Variants in COL12A1 observed in about 807,000 individuals in gnomAD.
The protein encoded by COL12A1 is collagen type XII alpha 1 chain, also known as collagen alpha-1(XII) chain.
COL12A1 carries 114 observed loss-of-function variants against 349.7 expected under a neutral mutation model. The ratio of observed to expected loss-of-function variants is 0.33; its 90% CI spans 0.28 to 0.38. COL12A1 has a LOEUF of 0.38. Ranked by LOEUF, COL12A1 falls within the 10% of genes least tolerant of loss-of-function variation. The pLI, the probability that COL12A1 is intolerant of heterozygous loss-of-function variation, is 1.00. For missense variants in COL12A1, 3,284 were observed against 3,756.9 expected (o/e 0.87, Z 3.29); for synonymous variants, 1,369 against 1,329.0 (o/e 1.03, Z -0.66).
Position 75,181,215 on chromosome 6 carries a change from T to TC in COL12A1, c.1892-5_1892-4insG, listed in dbSNP as rs1769266889. Reference sequence around the variant, plus strand: ...AGATCCTTTGGAGGGACGTAAGCTATTTAAAAAAAAAAAAAGACAGTTAAA... The same window carrying TC: ...AGATCCTTTGGAGGGACGTAAGCTATCTTAAAAAAAAAAAAAGACAGTTAAA... On this transcript the variant is annotated splice_region_variant and splice_polypyrimidine_tract_variant and intron_variant, in intron 10 of 65. Coordinates refer to ENST00000322507, the MANE Select transcript of COL12A1 (RefSeq NM_004370.6). 1 of 1,429,824 alleles carries TC rather than the reference T, an allele frequency of 7.0e-7. No individual in the cohort carries two copies. Among genetic ancestry groups the TC allele is most frequent in the Non-Finnish European group, 9.1e-7 (1 of 1,096,086 alleles). The allele number at this position is 1,429,824 out of a possible 1,614,324, so 88.6% of individuals were successfully genotyped here. A position where few individuals can be genotyped will look rare whatever the true frequency, so the allele number is the denominator to read the frequency against.
intron 65 of COL12A1, chr6:75,087,286 A>G: frequency 2.5e-6 from 1 of 399,716 alleles, no homozygotes; most frequent in Non-Finnish European, 4.4e-6. Context: ...GAAAAGAAAA[A>G]AAAAAAGTCA....
rs1180668237 is a variant in COL12A1, at chr6:75,192,290, G to T, written c.256C>A (p.Pro86Thr). ...ATTGTCACCACATACTCTGTTTCAG[G>T]TACAAGTTCTGACAATAAAGTTTCA... ...TTETLLSELVPETEYVVTITS... is the reference protein window; with the variant it reads ...TTETLLSELVTETEYVVTITS... The change falls in exon 4 of 66, where the codon CCT (proline) becomes ACT (threonine). Residue 86 changes from proline (P) to threonine (T), a missense_variant. Coordinates refer to ENST00000322507, the MANE Select transcript of COL12A1 (RefSeq NM_004370.6). 2 of 1,611,200 alleles carry T rather than the reference G, an allele frequency of 1.2e-6. No individual in the cohort carries two copies. The highest frequency in any genetic ancestry group is 2.2e-5 in the East Asian group (1 of 44,698).
intron 5 of COL12A1, 147 bp downstream of exon 5, chr6:75,191,554 C>A: frequency 2.3e-6 from 1 of 436,534 alleles, no homozygotes; most frequent in Non-Finnish European, 4.0e-6. Context: ...ATACATTATT[C>A]TTATATTGTC....
chr6:75,192,704 G>A (rs1582215294), intron 3 of COL12A1, among the ~76,000 whole-genome samples: 1 of 152,046 alleles, frequency 6.6e-6, no homozygotes, highest in East Asian at 1.9e-4. Flanking sequence ...ATAAAGCAGA[G>A]AAAATGAATT....
rs1562140303 is a variant in COL12A1 at position 75,113,758 on chromosome 6, C to T, written c.7698-14G>A. On this transcript the variant is annotated splice_polypyrimidine_tract_variant and intron_variant, in intron 49 of 65. Coordinates refer to ENST00000322507, the MANE Select transcript of COL12A1 (RefSeq NM_004370.6). ...GGGTGTAGGTCTCTGTTGGATAAAA[C>T]AAAAGAAAGAAAAAGGAGAGGAAAG... 5 of 1,500,920 alleles carry T rather than the reference C, an allele frequency of 3.3e-6. No individual in the cohort carries two copies. The highest frequency in any genetic ancestry group is 4.5e-6 in the Non-Finnish European group (5 of 1,121,450). 93.0% of individuals were successfully genotyped at this position (1,500,920 alleles called of 1,614,324 possible). A position where few individuals can be genotyped will look rare whatever the true frequency, so the allele number is the denominator to read the frequency against.
rs1769827563 is a variant in COL12A1, at chr6:75,189,705, C to A, written c.505G>T (p.Ala169Ser). 1 of 1,613,308 alleles carries A rather than the reference C, an allele frequency of 6.2e-7. No homozygotes were observed. The highest frequency in any genetic ancestry group is 1.3e-5 in the African/African-American group (1 of 74,882). ...GTCTTCTCTTCCCCAATGTCAAAAGCAGACACAAGAGCAGCAATGAAGTCT... is the reference window on the plus strand; with the variant it reads ...GTCTTCTCTTCCCCAATGTCAAAAGAAGACACAAGAGCAGCAATGAAGTCT... ...ILDFIAALVS[A>S]FDIGEEKTRV... Residue 169 changes from alanine (A) to serine (S), a missense_variant, in exon 6 of 66, where the codon GCT becomes TCT. Coordinates refer to ENST00000322507, the MANE Select transcript of COL12A1 (RefSeq NM_004370.6).
At position 75,134,783 on chromosome 6, in the gene COL12A1, C is replaced by A. The variant is rs201408175; in HGVS notation, c.5467G>T (p.Val1823Leu). The A allele has an allele frequency of 1.2e-6, 2 of 1,612,848 alleles. No individual in the cohort carries two copies. The highest frequency in any genetic ancestry group is 1.7e-6 in the Non-Finnish European group (2 of 1,179,242). Residue 1823 changes from valine (V) to leucine (L), a missense_variant, in exon 32 of 66, where the codon GTA becomes TTA. Physicochemically the swap from Val to Leu is conservative, Grantham distance 32 (BLOSUM62 1). Around this residue, in one of 2 missense-constraint regions of COL12A1, gnomAD observed 2,601 missense variants for 2,824.8 expected, o/e 0.92. Coordinates refer to ENST00000322507, the MANE Select transcript of COL12A1 (RefSeq NM_004370.6). ...LKPDTPYTIT[V>L]SSLYPDGEGG... ...TCACCATCAGGATACAGAGAGGATA[C>A]GGTGATAGTGTAAGGAGTGTCTGGC...
intron 37 of COL12A1, among the ~76,000 whole-genome samples, chr6:75,129,518 T>C (rs763657918): frequency 6.6e-6 from 1 of 152,208 alleles, no homozygotes; most frequent in Non-Finnish European, 1.5e-5. Context: ...TAGTGAGGGC[T>C]ATGAGGAAGC....
chr6:75,110,419 T>C (rs1427832349), intron 51 of COL12A1, among the ~76,000 whole-genome samples: 1 of 152,082 alleles, frequency 6.6e-6, no homozygotes, highest in Non-Finnish European at 1.5e-5. Context: ...CAGTGTGTTT[T>C]ACTGCAGTTT....
intron 13 of COL12A1, among the ~76,000 whole-genome samples, chr6:75,168,959 C>T (rs762871790): frequency 3.9e-5 from 6 of 152,066 alleles, no homozygotes; most frequent in East Asian, 1.9e-4. Flanking sequence ...CTGCTTTAGG[C>T]GGCAAAATAA....
chr6:75,151,234 C>A lies in COL12A1; in HGVS notation c.4054G>T (p.Asp1352Tyr). The change falls in exon 21 of 66, where the codon GAT (aspartate) becomes TAT (tyrosine). Residue 1352 changes from aspartate (D) to tyrosine (Y), a missense_variant. Asp to Tyr is a radical substitution (Grantham distance 160). Around this residue, in one of 2 missense-constraint regions of COL12A1, gnomAD observed 2,601 missense variants for 2,824.8 expected, o/e 0.92. Transcript: ENST00000322507. Reference sequence around the variant, plus strand: ...TCTGCCACATTGTATGCATGGGTATCATCAGGATCAGTTGCAATCATCTTT... The same window carrying A: ...TCTGCCACATTGTATGCATGGGTATAATCAGGATCAGTTGCAATCATCTTT... ...ELKMIATDPD[D>Y]THAYNVADFE... 2 of 1,613,358 alleles carry A rather than the reference C, an allele frequency of 1.2e-6. No homozygotes were observed. Among genetic ancestry groups the A allele is most frequent in the East Asian group, 2.2e-5 (1 of 44,876 alleles).
In COL12A1 at chr6:75,171,036, T is replaced by C. The variant is rs575184566; in HGVS notation, c.2710+4002A>G. The stretch of plus-strand genomic sequence containing the variant: ...ATTATTCTTCAAATTGAAATTCTCC[T>C]TCATTTGTGGTCAATCGCTGAATTA... On this transcript the variant is annotated intron_variant, in intron 13 of 65. Coordinates refer to ENST00000322507, the MANE Select transcript of COL12A1 (RefSeq NM_004370.6). Among the ~76,000 whole-genome samples the C allele has an allele frequency of 2.0e-5, 3 of 152,358 alleles. No homozygotes were observed. The South Asian group carries it at 6.2e-4, about 32-fold the overall frequency.
chr6:75,203,115 C>G (rs1196978703), intron 1 of COL12A1, among the ~76,000 whole-genome samples: 3 of 152,198 alleles, frequency 2.0e-5, no homozygotes, highest in Admixed American at 2.0e-4. Flanking sequence ...CCTCACATGA[C>G]TTCATCCTGC....
At position 75,090,869 on chromosome 6, in the gene COL12A1, T is replaced by C. The variant is rs1407446971; in HGVS notation, c.8752+454A>G. 6.6e-6 allele frequency among the ~76,000 whole-genome samples: 1 copy of C among 152,196 alleles called. No individual in the cohort carries two copies. Among genetic ancestry groups the C allele is most frequent in the East Asian group, 1.9e-4 (1 of 5,184 alleles). On this transcript the variant is annotated intron_variant, in intron 62 of 65. Coordinates refer to ENST00000322507, the MANE Select transcript of COL12A1 (RefSeq NM_004370.6). The surrounding 1 kb of genome is among the most constrained non-coding windows in gnomAD (Gnocchi z 4.1). Reference sequence around the variant, plus strand: ...TGGAAAACATTGATTAAGACTTCTCTAAGAGTGAGTTATGGGTTTAAGGCC... The same window carrying C: ...TGGAAAACATTGATTAAGACTTCTCCAAGAGTGAGTTATGGGTTTAAGGCC...
chr6:75,166,576 C>T (rs1768321309), intron 13 of COL12A1, among the ~76,000 whole-genome samples: 1 of 152,106 alleles, frequency 6.6e-6, no homozygotes, highest in Non-Finnish European at 1.5e-5. Flanking sequence ...CCTCACTCTC[C>T]ATATTTTAAA....
At chr6:75,098,531 C>CACCTGTGTGTGGG (rs1261737490) in intron 58 of COL12A1, among the ~76,000 whole-genome samples, 1 of 152,162 alleles carries the variant, frequency 6.6e-6, no homozygotes, top group Admixed American at 6.5e-5. Context: ...TGGTGGCACA[C>CACCTGTGTGTGGG]ACCTGTGGTC....
chr6:75,125,357 AG>A, intron 39 of COL12A1, 84 bp from the exon 40 acceptor site: 1 of 1,329,962 alleles, frequency 7.5e-7, no homozygotes, highest in South Asian at 1.6e-5. Context: ...TTATAGTCAA[AG>A]GGTATTATGA....
At chr6:75,167,491 T>C (rs1452400094) in intron 13 of COL12A1, among the ~76,000 whole-genome samples, 1 of 152,224 alleles carries the variant, frequency 6.6e-6, no homozygotes, top group Non-Finnish European at 1.5e-5. Context: ...GTGGAAATTA[T>C]CTTTCAAATT....
At position 75,175,122 on chromosome 6, in the gene COL12A1, C is replaced by T. The variant is rs763105752; in HGVS notation, c.2626G>A (p.Gly876Arg). The change falls in exon 13 of 66, where the codon GGG (glycine) becomes AGG (arginine). Residue 876 changes from glycine (G) to arginine (R), a missense_variant. Gly to Arg is a moderately radical substitution (Grantham distance 125). This residue lies in a region of COL12A1 where 2,601 missense variants were observed against 2,824.8 expected (regional missense o/e 0.92). Coordinates refer to ENST00000322507, the MANE Select transcript of COL12A1 (RefSeq NM_004370.6). ...TNTVLQGLKE[G>R]TQYALSVTAL... Reference sequence around the variant, plus strand: ...GTCACAGATAAGGCGTATTGTGTCCCTTCCTTCAATCCCTGCAGCACCGTA... The same window carrying T: ...GTCACAGATAAGGCGTATTGTGTCCTTTCCTTCAATCCCTGCAGCACCGTA... 2 of 1,614,156 alleles carry T rather than the reference C, an allele frequency of 1.2e-6. No individual in the cohort carries two copies. The highest frequency in any genetic ancestry group is 1.7e-6 in the Non-Finnish European group (2 of 1,180,032).
Sources: allele counts gnomAD v4.1 joint callset (sites outside exome capture counted in the v4.1 genomes callset), GRCh38; gene constraint gnomAD v4.1.1; regional missense constraint gnomAD v4.1.1; non-coding constraint Gnocchi (gnomAD v3.1); transcripts MANE v1.5; gene names NCBI Gene and HGNC (gene_info 2026-07-23, HGNC 2026-07-21).